Variants in PGM3 observed in about 807,000 individuals in gnomAD.
PGM3 encodes the protein phosphoacetylglucosamine mutase.
A neutral mutation model predicts 66.2 loss-of-function variants in PGM3; 40 were observed. That is an observed-to-expected ratio of 0.60 (90% CI 0.47 to 0.79). The LOEUF (loss-of-function observed/expected upper bound fraction) is 0.79, where lower values mean the gene tolerates loss of function less well. Ranked by LOEUF, PGM3 falls within the 30% of genes least tolerant of loss-of-function variation. The pLI is 0.00. For missense variants in PGM3, 537 were observed against 643.4 expected, an observed-to-expected ratio of 0.83 and a Z score of 1.79; for synonymous variants, 191 against 224.2, an observed-to-expected ratio of 0.85 and a Z score of 1.32.
intron 7 of PGM3, 63 bp from the exon 8 acceptor site, chr6:83,178,819 TGA>T (rs1388908960): frequency 1.0e-6 from 1 of 978,900 alleles, no homozygotes; most frequent in African/African-American, 1.6e-5. Flanking sequence ...ACAAATATAA[TGA>T]GAGTTCTAAA....
At chr6:83,172,906 G>A (rs530187732) in intron 10 of PGM3, among the ~76,000 whole-genome samples, 12 of 152,204 alleles carry the variant, frequency 7.9e-5, no homozygotes, top group Non-Finnish European at 1.6e-4. Flanking sequence ...GGTGATGCCA[G>A]ACAACCACAG....
At chr6:83,183,542 A>G (rs1405906863) in intron 4 of PGM3, among the ~76,000 whole-genome samples, 7 of 152,146 alleles carry the variant, frequency 4.6e-5, no homozygotes, top group African/African-American at 7.2e-5. Context: ...CCAAAGAACT[A>G]TATCTTCAGT....
At chr6:83,191,724 C>T (rs2128510235) in intron 1 of PGM3, among the ~76,000 whole-genome samples, 1 of 152,276 alleles carries the variant, frequency 6.6e-6, no homozygotes, top group South Asian at 2.1e-4. Flanking sequence ...AGCGGTGGCT[C>T]ACGCCAGTAA....
At chr6:83,180,252 G>T (rs955449080) in intron 6 of PGM3, among the ~76,000 whole-genome samples, 5 of 152,058 alleles carry the variant, frequency 3.3e-5, no homozygotes, top group African/African-American at 4.8e-5. Context: ...TCCCATAAAG[G>T]TTTTTTGAAA....
chr6:83,176,247 G>A (rs1787756725), intron 8 of PGM3, 187 bp from the exon 9 acceptor site: 6 of 493,166 alleles, frequency 1.2e-5, no homozygotes, highest in Admixed American at 6.4e-5. Context: ...CTGGAAGCAC[G>A]CAGCCAAGGG....
At chr6:83,155,671 G>T in the PGM3 span, among the ~76,000 whole-genome samples, 1 of 152,214 alleles carries the variant, frequency 6.6e-6, no homozygotes, top group Non-Finnish European at 1.5e-5. Flanking sequence ...ATATTAAAGG[G>T]TTTCCTCAGG....
chr6:83,159,614 A>G (rs1783755518), downstream of PGM3: 1 of 705,898 alleles, frequency 1.4e-6, no homozygotes, highest in African/African-American at 1.8e-5. Flanking sequence ...TGCATTCTCA[A>G]AGAAGAAAAG....
At chr6:83,158,809 A>G (rs934684944), downstream of PGM3, among the ~76,000 whole-genome samples, 3 of 152,214 alleles carry the variant, frequency 2.0e-5, no homozygotes, top group Non-Finnish European at 4.4e-5. Context: ...TTAAGCCATC[A>G]GCATTCATTG....
chr6:83,178,704 C>T lies in PGM3; in HGVS notation c.998G>A (p.Ser333Asn). 10 of 1,606,310 alleles carry T rather than the reference C, an allele frequency of 6.2e-6. No homozygotes were observed. The highest frequency in any genetic ancestry group is 2.2e-5 in the East Asian group (1 of 44,758). ...AACTTCTTCAAGATACCGTGTTGAA[C>T]TTCCATTTGCATATGCAGTTTGTAC... ...GVVQTAYANG[S>N]STRYLEEVMK... Residue 333 changes from serine (S) to asparagine (N), a missense_variant, in exon 8 of 13, where the codon AGT becomes AAT. Physicochemically the swap from Ser to Asn is conservative, Grantham distance 46 (BLOSUM62 1). Coordinates refer to ENST00000513973, the MANE Select transcript of PGM3 (RefSeq NM_015599.3).
At chr6:83,188,521 A>T in intron 3 of PGM3, 93 bp downstream of exon 3, 2 of 1,014,220 alleles carry the variant, frequency 2.0e-6, no homozygotes, top group Non-Finnish European at 1.5e-6. Context: ...GTTCCACTTT[A>T]CTTCTTTCCA....
the PGM3 span, among the ~76,000 whole-genome samples, chr6:83,151,310 A>AG: frequency 4.6e-5 from 7 of 152,056 alleles, no homozygotes; most frequent in Admixed American, 1.3e-4. Context: ...ATGCACCACC[A>AG]CGCCTGGCCA....
In PGM3 at chr6:83,167,923, T is replaced by C. The variant is rs761225794; in HGVS notation, c.*1311A>G. 1.9e-6 allele frequency: 3 copies of C among 1,613,838 alleles called. No individual in the cohort carries two copies. The highest frequency in any genetic ancestry group is 2.5e-6 in the Non-Finnish European group (3 of 1,179,886). On this transcript the variant is annotated 3_prime_UTR_variant, in exon 13 of 13. Coordinates refer to ENST00000513973, the MANE Select transcript of PGM3 (RefSeq NM_015599.3). ...GGTTGGGAGCCAGGGCACTTGCTGC[T>C]CACCATCTGCACCGTGCGCAGTATG... is the stretch of plus-strand genomic sequence containing the variant.
intron 1 of PGM3, among the ~76,000 whole-genome samples, chr6:83,192,774 C>T (rs1263781311): frequency 3.3e-5 from 5 of 152,146 alleles, no homozygotes; most frequent in Non-Finnish European, 7.4e-5. Context: ...CTTTCAATGC[C>T]TCTGCGAATG....
intron 10 of PGM3, 118 bp downstream of exon 10, chr6:83,174,252 TAGAA>T (rs991050013): frequency 1.8e-5 from 11 of 623,554 alleles, no homozygotes; most frequent in East Asian, 9.3e-5. Flanking sequence ...ATACCACTAT[TAGAA>T]GGAAGCCACC....
rs529053302 is a variant in PGM3, at chr6:83,191,169, C to T, written c.-2-155G>A. ...CAGAGCAATGGGCAGGAGAGTAAGTCCTGTGGGTTAGAATTACCTACAAGA... is the reference window on the plus strand; with the variant it reads ...CAGAGCAATGGGCAGGAGAGTAAGTTCTGTGGGTTAGAATTACCTACAAGA... On this transcript the variant is annotated intron_variant, in intron 1 of 12. Transcript: ENST00000513973. The T allele has an allele frequency of 2.6e-6, 4 of 1,520,328 alleles. No individual in the cohort carries two copies. The African/African-American group carries it at 5.5e-5, about 21-fold the overall frequency. The allele number at this position is 1,520,328 out of a possible 1,614,324, so 94.2% of individuals were successfully genotyped here.
intron 12 of PGM3, chr6:83,169,713 A>G (rs1443062891): frequency 2.2e-6 from 1 of 459,242 alleles, no homozygotes; most frequent in African/African-American, 2.0e-5. Flanking sequence ...TTCTGCAGGA[A>G]AGCTGCCAAA....
At chr6:83,192,413 C>T (rs1307330206) in intron 1 of PGM3, among the ~76,000 whole-genome samples, 4 of 152,202 alleles carry the variant, frequency 2.6e-5, no homozygotes, top group Non-Finnish European at 5.9e-5. Context: ...TCAATTAATT[C>T]CCAATTAGCC....
the PGM3 span, among the ~76,000 whole-genome samples, chr6:83,150,465 TAAAAC>T: frequency 7.2e-5 from 11 of 152,326 alleles, no homozygotes; most frequent in South Asian, 1.4e-3. Flanking sequence ...TTCTGAATGT[TAAAAC>T]AAAAAGTTGA....
rs745379807 is a variant in PGM3 at position 83,168,108 on chromosome 6, A to G, written c.*1126T>C. On this transcript the variant is annotated 3_prime_UTR_variant, in exon 13 of 13. Coordinates refer to ENST00000513973, the MANE Select transcript of PGM3 (RefSeq NM_015599.3). ...CCACAAACCATGTTCCAGCAAAGCC[A>G]GGCAAAAAATAGAAGAGATGGTAGA... 1 of 1,614,146 alleles carries G rather than the reference A, an allele frequency of 6.2e-7. No homozygotes were observed. Among genetic ancestry groups the G allele is most frequent in the South Asian group, 1.1e-5 (1 of 91,056 alleles).
Sources: gnomAD v4.1 joint callset for allele counts (sites outside exome capture counted in the v4.1 genomes callset) on GRCh38, gnomAD v4.1.1 for gene constraint, MANE v1.5 for transcripts, NCBI Gene and HGNC (gene_info 2026-07-23, HGNC 2026-07-21) for gene names.